The following BEST3 variants were observed in gnomAD, a reference collection of about 807,000 sequenced individuals.
BEST3 encodes the protein bestrophin 3.
In BEST3, 50 loss-of-function variants were observed where a neutral mutation model predicts 47.1. The observed-to-expected ratio is 1.06, with a 90% CI of 0.85 to 1.34. The LOEUF is 1.34. Among genes scored for constraint, BEST3 ranks in the 40% most tolerant of loss-of-function variants. BEST3 has a pLI of 0.00. For missense variants in BEST3, 765 were observed against 817.0 expected, an observed-to-expected ratio of 0.94 and a Z score of 0.78; for synonymous variants, 282 against 298.8, an observed-to-expected ratio of 0.94 and a Z score of 0.58.
intron 4 of BEST3, chr12:69,684,610 T>C (rs1316487720): frequency 1.5e-6 from 1 of 670,212 alleles, no homozygotes; most frequent in Admixed American, 2.0e-5. Context: ...CAGTTCTTTC[T>C]GAAAGAGAGA....
chr12:69,673,674 G>T (rs1043559664), intron 7 of BEST3, among the ~76,000 whole-genome samples: 4 of 152,032 alleles, frequency 2.6e-5, no homozygotes, highest in South Asian at 4.1e-4. Context: ...GAACCCCTGA[G>T]CTCAGGTGTT....
chr12:69,689,349 G>A (rs765250773), intron 4 of BEST3: 26 of 744,498 alleles, frequency 3.5e-5, no homozygotes, highest in Middle Eastern at 6.7e-4. Flanking sequence ...GGGCAGCCAG[G>A]AAGACAGGCC....
chr12:69,654,862 A>C lies in BEST3; in HGVS notation c.*45T>G. The C allele has an allele frequency of 6.4e-7, 1 of 1,561,782 alleles. No homozygotes were observed. Among genetic ancestry groups the C allele is most frequent in the Non-Finnish European group, 8.7e-7 (1 of 1,155,622 alleles). ...TGGGCCTAATATGCTGCTTTTGGGGAGGTAAGAATCTAGGCTAGAACCAGG... is the reference window on the plus strand; with the variant it reads ...TGGGCCTAATATGCTGCTTTTGGGGCGGTAAGAATCTAGGCTAGAACCAGG... On this transcript the variant is annotated 3_prime_UTR_variant, in exon 10 of 10. Transcript: ENST00000330891.
downstream of BEST3, among the ~76,000 whole-genome samples, chr12:69,650,705 G>C (rs1033598390): frequency 2.0e-5 from 3 of 152,168 alleles, no homozygotes; most frequent in African/African-American, 4.8e-5. Flanking sequence ...GGAGAAAACA[G>C]AAGCAACTAC....
chr12:69,669,166 T>A (rs139414493), intron 9 of BEST3, among the ~76,000 whole-genome samples: 1 of 152,294 alleles, frequency 6.6e-6, no homozygotes, highest in East Asian at 1.9e-4. Context: ...ACCACAATCA[T>A]AGGAAAAATA....
In BEST3 at chr12:69,678,851, T is replaced by C; in HGVS notation, c.524A>G (p.Lys175Arg). 6.2e-7 allele frequency: 1 copy of C among 1,613,988 alleles called. No homozygotes were observed. Among genetic ancestry groups the C allele is most frequent in the South Asian group, 1.1e-5 (1 of 91,060 alleles). The change falls in exon 5 of 10, where the codon AAG (lysine) becomes AGG (arginine). Residue 175 changes from lysine (K) to arginine (R), a missense_variant. By Grantham distance (26) the Lys-to-Arg change is conservative. Transcript: ENST00000330891. ...TDERKLFNHL[K>R]SPHLKYWVPF... ...AACCCAATATTTCAGATGAGGAGAC[T>C]TGAGGTGGTTGAATAATTTCCTTTC...
intron 8 of BEST3, among the ~76,000 whole-genome samples, chr12:69,672,249 G>A (rs767835621): frequency 6.6e-6 from 1 of 152,248 alleles, no homozygotes; most frequent in Non-Finnish European, 1.5e-5. Context: ...TAACTGCCGA[G>A]TAAGGGCTTG....
In BEST3 at chr12:69,693,855, C is replaced by A. The variant is rs1253565743; in HGVS notation, c.300G>T (p.Leu100Phe). 2 of 1,613,660 alleles carry A rather than the reference C, an allele frequency of 1.2e-6. No homozygotes were observed. The highest frequency in any genetic ancestry group is 2.7e-5 in the African/African-American group (2 of 75,048). ...VNRWWNQFVN[L>F]PWPDRLMFLI... Reference sequence around the variant, plus strand: ...GGAACATTAGCCTGTCTGGCCAGGGCAAATTCACAAACTGGTTCCACCATC... The same window carrying A: ...GGAACATTAGCCTGTCTGGCCAGGGAAAATTCACAAACTGGTTCCACCATC... Residue 100 changes from leucine to phenylalanine, a missense_variant, in exon 4 of 10, where the codon TTG (leucine) becomes TTT (phenylalanine). By Grantham distance (22) the Leu-to-Phe change is conservative. Coordinates refer to ENST00000330891, the MANE Select transcript of BEST3 (RefSeq NM_032735.3).
rs779761425 is a variant in BEST3, at chr12:69,677,253, A to G, written c.641T>C (p.Met214Thr). 14 of 1,610,416 alleles carry G rather than the reference A, an allele frequency of 8.7e-6. No homozygotes were observed. In the African/African-American group the frequency reaches 1.7e-4, roughly 20 times the overall value. Residue 214 changes from methionine to threonine, a missense_variant, in exon 6 of 10, where the codon ATG (methionine) becomes ACG (threonine). Met to Thr is a moderately conservative substitution (Grantham distance 81). Coordinates refer to ENST00000330891, the MANE Select transcript of BEST3 (RefSeq NM_032735.3). ...SVDLQSLMTE[M>T]NRYRSWCSLL... ...GCTGCACCAAGAGCGGTATCGATTC[A>G]TTTCCTAAGCCAGAAACAGATCAAG...
At chr12:69,649,973 C>A (rs7303571), downstream of BEST3, among the ~76,000 whole-genome samples, 19,578 of 152,210 alleles carry the variant, frequency 0.13, 1,522 homozygotes, top group East Asian at 0.23. Flanking sequence ...TAGGTAACCA[C>A]CTGGCCACAT....
chr12:69,697,571 A>C, intron 2 of BEST3, 76 bp downstream of exon 2: 1 of 1,265,712 alleles, frequency 7.9e-7, no homozygotes, highest in South Asian at 1.7e-5. Flanking sequence ...AGTGGCAATC[A>C]AAAGGTTCAG....
Position 69,653,968 on chromosome 12 carries a change from G to C in BEST3, c.*939C>G. 1 of 985,408 alleles carries C rather than the reference G, an allele frequency of 1.0e-6. No individual in the cohort carries two copies. The highest frequency in any genetic ancestry group is 1.2e-6 in the Non-Finnish European group (1 of 829,932). 61.0% of individuals were successfully genotyped at this position (985,408 alleles called of 1,614,324 possible). A position where few individuals can be genotyped will look rare whatever the true frequency, so the allele number is the denominator to read the frequency against. ...GCTATGCAAATTTCATATTCTCTTG[G>C]CTTCGTTTTTCTCCAGTGCCCAACA... On this transcript the variant is annotated 3_prime_UTR_variant, in exon 10 of 10. Coordinates refer to ENST00000330891, the MANE Select transcript of BEST3 (RefSeq NM_032735.3).
intron 2 of BEST3, among the ~76,000 whole-genome samples, chr12:69,696,708 A>G (rs558473444): frequency 1.3e-5 from 2 of 152,268 alleles, no homozygotes; most frequent in Admixed American, 6.5e-5. Flanking sequence ...CTCTTTTCCA[A>G]AGGAGATCCT....
At chr12:69,644,407 G>C (rs1882967977) in intron 9 of BEST3, among the ~76,000 whole-genome samples, 1 of 152,096 alleles carries the variant, frequency 6.6e-6, no homozygotes, top group African/African-American at 2.4e-5. Context: ...GTTTTACTTG[G>C]TCTTTTAGAA....
chr12:69,681,353 A>G (rs1373347800), intron 4 of BEST3, among the ~76,000 whole-genome samples: 1 of 152,244 alleles, frequency 6.6e-6, no homozygotes, highest in African/African-American at 2.4e-5. Flanking sequence ...GCAGTGGCTC[A>G]TGCCTATAAT....
At chr12:69,699,013 G>T (rs1376557186) in intron 1 of BEST3, among the ~76,000 whole-genome samples, 192 bp downstream of exon 1, 1 of 152,152 alleles carries the variant, frequency 6.6e-6, no homozygotes, top group Non-Finnish European at 1.5e-5. Flanking sequence ...ATTGGGAGAG[G>T]AGCATAATAA....
intron 9 of BEST3, chr12:69,661,549 T>C (rs902985173): frequency 6.6e-6 from 1 of 152,178 alleles, no homozygotes; most frequent in South Asian, 2.1e-4. Context: ...AAATGTACTC[T>C]TCAAACCCAT....
At chr12:69,656,940 T>G (rs1308875840) in intron 9 of BEST3, among the ~76,000 whole-genome samples, 1 of 151,990 alleles carries the variant, frequency 6.6e-6, no homozygotes, top group Non-Finnish European at 1.5e-5. Flanking sequence ...AAAAGAGAAA[T>G]TGGAACCTTG....
intron 1 of BEST3, 110 bp downstream of exon 1, chr12:69,699,095 C>T: frequency 1.6e-6 from 1 of 613,246 alleles, no homozygotes; most frequent in Non-Finnish European, 2.0e-6. Flanking sequence ...ATTAACTTTC[C>T]TTTCTTTCAT....
Sources: allele counts gnomAD v4.1 joint callset (sites outside exome capture counted in the v4.1 genomes callset), GRCh38; gene constraint gnomAD v4.1.1; transcripts MANE v1.5; gene names NCBI Gene and HGNC (gene_info 2026-07-23, HGNC 2026-07-21).